The following LRMDA variants were observed in gnomAD, a reference collection of about 807,000 sequenced individuals.
LRMDA encodes leucine-rich melanocyte differentiation-associated protein.
A neutral mutation model predicts 29.8 loss-of-function variants in LRMDA; 18 were observed. The ratio of observed to expected loss-of-function variants is 0.60; its 90% CI spans 0.42 to 0.90. The LOEUF is 0.90. Ranked by LOEUF, LRMDA falls within the 40% of genes least tolerant of loss-of-function variation. The pLI is 0.00. For missense variants in LRMDA, 273 were observed against 273.9 expected, an observed-to-expected ratio of 1.00 and a Z score of 0.02; for synonymous variants, 125 against 109.4, an observed-to-expected ratio of 1.14 and a Z score of -0.89.
intron 6 of LRMDA, among the ~76,000 whole-genome samples, chr10:76,508,720 A>G (rs560596423): frequency 1.3e-5 from 2 of 152,162 alleles, no homozygotes; most frequent in African/African-American, 4.8e-5. Context: ...CTTTTACTGG[A>G]GGAAGGTACT....
chr10:75,658,787 C>CT (rs60645053), intron 2 of LRMDA, among the ~76,000 whole-genome samples: 29,323 of 152,112 alleles, frequency 0.19, 6,935 homozygotes, highest in African/African-American at 0.55. Context: ...ATAGAATTTT[C>CT]ACTGGGGGAA....
intron 6 of LRMDA, among the ~76,000 whole-genome samples, chr10:76,470,048 A>G (rs541155444): frequency 3.9e-5 from 6 of 152,084 alleles, no homozygotes; most frequent in Non-Finnish European, 8.8e-5. Flanking sequence ...AAAGTGCTGG[A>G]AAAAAAATAA....
intron 2 of LRMDA, among the ~76,000 whole-genome samples, chr10:75,963,993 CT>C (rs768036421): frequency 6.6e-5 from 10 of 152,146 alleles, no homozygotes; most frequent in Non-Finnish European, 1.2e-4. Flanking sequence ...GTAATGATCA[CT>C]ACTGATATTT....
rs141042695 is a variant in LRMDA at position 75,440,991 on chromosome 10, C to T, written c.131+2497C>T. Among the ~76,000 whole-genome samples the T allele has an allele frequency of 6.7e-4, 102 of 151,938 alleles. 1 individual carries two copies. The highest frequency in any genetic ancestry group is 1.3e-3 in the Non-Finnish European group (88 of 67,976). On this transcript the variant is annotated intron_variant, in intron 2 of 6. Coordinates refer to ENST00000611255, the MANE Select transcript of LRMDA (RefSeq NM_001305581.2). Reference sequence around the variant, plus strand: ...GGTAGAGGTTGCAGTGAGCTGAGATCGTGCCATTGTACTCCAGCCTGGGCA... The same window carrying T: ...GGTAGAGGTTGCAGTGAGCTGAGATTGTGCCATTGTACTCCAGCCTGGGCA...
chr10:76,218,604 A>G (rs1256390933), intron 5 of LRMDA, among the ~76,000 whole-genome samples: 1 of 152,228 alleles, frequency 6.6e-6, no homozygotes, highest in Non-Finnish European at 1.5e-5. Context: ...GAGTCAGGCA[A>G]GTATGCAGTA....
intron 6 of LRMDA, among the ~76,000 whole-genome samples, chr10:76,327,643 A>C (rs533866953): frequency 2.6e-5 from 4 of 152,300 alleles, no homozygotes; most frequent in Admixed American, 2.0e-4. Context: ...ATATTTGTTC[A>C]GTAAAGGCTG....
chr10:75,665,113 T>A (rs905372575), intron 2 of LRMDA, among the ~76,000 whole-genome samples: 5 of 152,234 alleles, frequency 3.3e-5, no homozygotes, highest in Admixed American at 2.6e-4. Context: ...CACTGGAGTT[T>A]GACAGAGGGG....
intron 2 of LRMDA, among the ~76,000 whole-genome samples, chr10:75,624,778 T>A (rs539008306): frequency 2.0e-5 from 3 of 152,204 alleles, no homozygotes; most frequent in African/African-American, 7.2e-5. Flanking sequence ...TCTGATAAAT[T>A]TTCACTTGTG....
intron 2 of LRMDA, among the ~76,000 whole-genome samples, chr10:75,986,134 G>A (rs907014629): frequency 6.6e-6 from 1 of 152,198 alleles, no homozygotes; most frequent in Non-Finnish European, 1.5e-5. Flanking sequence ...AGTGAGGAGA[G>A]AGTCATGAGC....
At chr10:76,182,870 A>G (rs894944555) in intron 5 of LRMDA, among the ~76,000 whole-genome samples, 4 of 152,190 alleles carry the variant, frequency 2.6e-5, no homozygotes, top group Non-Finnish European at 4.4e-5. Flanking sequence ...TGATGGTCCC[A>G]GGAAAGAATG....
At chr10:76,074,952 C>T (rs1038209993) in intron 5 of LRMDA, among the ~76,000 whole-genome samples, 1 of 152,104 alleles carries the variant, frequency 6.6e-6, no homozygotes, top group Non-Finnish European at 1.5e-5. Flanking sequence ...AATGGCTCTG[C>T]ATTTTTCTTG....
intron 5 of LRMDA, among the ~76,000 whole-genome samples, chr10:76,177,712 G>A (rs1226319117): frequency 6.6e-6 from 1 of 152,134 alleles, no homozygotes; most frequent in African/African-American, 2.4e-5. Flanking sequence ...TATATTGAGA[G>A]ACCTCCCAAT....
intron 2 of LRMDA, among the ~76,000 whole-genome samples, chr10:75,711,195 G>A (rs1264305564): frequency 2.0e-5 from 3 of 152,182 alleles, no homozygotes; most frequent in Non-Finnish European, 4.4e-5. Flanking sequence ...AAGCTTTTGG[G>A]AGAGGTGATG....
At chr10:75,553,881 A>G (rs1840183333) in intron 2 of LRMDA, among the ~76,000 whole-genome samples, 1 of 152,140 alleles carries the variant, frequency 6.6e-6, no homozygotes, top group African/African-American at 2.4e-5. Flanking sequence ...GGGGAAAAAA[A>G]TGAGGAGTGA....
At chr10:76,173,638 A>T (rs1850878849) in intron 5 of LRMDA, among the ~76,000 whole-genome samples, 1 of 152,214 alleles carries the variant, frequency 6.6e-6, no homozygotes, top group South Asian at 2.1e-4. Context: ...CCTGACAAGA[A>T]GAAATAGGTA....
chr10:75,852,542 C>A (rs79570739), intron 2 of LRMDA, among the ~76,000 whole-genome samples: 1,907 of 36,958 alleles, frequency 0.052, 21 homozygotes, highest in South Asian at 0.097. Flanking sequence ...ACAACAACAA[C>A]AAAAAAAACA....
chr10:76,166,573 G>A (rs1850744884), intron 5 of LRMDA, among the ~76,000 whole-genome samples: 1 of 152,106 alleles, frequency 6.6e-6, no homozygotes, highest in African/African-American at 2.4e-5. Context: ...TGTGATATTT[G>A]GTTTTCTGTT....
chr10:76,142,494 G>C (rs1333112449), intron 5 of LRMDA, among the ~76,000 whole-genome samples: 2 of 144,248 alleles, frequency 1.4e-5, no homozygotes, highest in Admixed American at 7.1e-5. Context: ...TAAAACTTTG[G>C]TAAAAACAAA....
chr10:75,800,934 T>C (rs1387213288), intron 2 of LRMDA, among the ~76,000 whole-genome samples: 1 of 152,238 alleles, frequency 6.6e-6, no homozygotes, highest in Non-Finnish European at 1.5e-5. Flanking sequence ...GAAAGTTTGT[T>C]TGTACACTTT....
Sources: gnomAD v4.1 joint callset for allele counts (sites outside exome capture counted in the v4.1 genomes callset) on GRCh38, gnomAD v4.1.1 for gene constraint, MANE v1.5 for transcripts, NCBI Gene and HGNC (gene_info 2026-07-23, HGNC 2026-07-21) for gene names.